LAP3: variants seen among roughly 807,000 people sequenced by gnomAD.
The protein encoded by LAP3 is leucine aminopeptidase 3.
A neutral mutation model predicts 58.8 loss-of-function variants in LAP3; 46 were observed. The ratio of observed to expected loss-of-function variants is 0.78; its 90% CI spans 0.62 to 1.00. The LOEUF is 1.00. LAP3 is among the 50% of genes least tolerant of loss of function. The pLI, the probability that LAP3 is intolerant of heterozygous loss-of-function variation, is 0.00. For missense variants in LAP3, 615 were observed against 659.1 expected (o/e 0.93, Z 0.73); for synonymous variants, 257 against 237.7 (o/e 1.08, Z -0.75).
At chr4:17,584,937 G>A (rs201368834) in intron 5 of LAP3, 35 bp from the exon 6 acceptor site, 3 of 1,606,798 alleles carry the variant, frequency 1.9e-6, no homozygotes, top group East Asian at 4.5e-5. Flanking sequence ...TTCTTGAGAG[G>A]TTGTTTGACA....
At chr4:17,598,925 C>T (rs945793031) in intron 10 of LAP3, among the ~76,000 whole-genome samples, 4 of 151,746 alleles carry the variant, frequency 2.6e-5, no homozygotes, top group Non-Finnish European at 4.4e-5. Context: ...TTAGTAGAGA[C>T]GGGGTTTTTG....
chr4:17,591,201 C>T (rs940833711), intron 7 of LAP3, among the ~76,000 whole-genome samples: 4 of 151,992 alleles, frequency 2.6e-5, no homozygotes, highest in African/African-American at 4.8e-5. Flanking sequence ...CTGAGCCTCC[C>T]GAGTAGCTGG....
chr4:17,597,253 G>C (rs1403236789), intron 9 of LAP3, 119 bp downstream of exon 9: 2 of 815,026 alleles, frequency 2.5e-6, no homozygotes, highest in Non-Finnish European at 4.2e-6. Context: ...GGAGGGTGCT[G>C]TCTTTAGTGC....
intron 6 of LAP3, 115 bp from the exon 7 acceptor site, chr4:17,588,704 C>T (rs767539957): frequency 6.4e-5 from 59 of 924,342 alleles, no homozygotes; most frequent in Middle Eastern, 3.5e-4. Context: ...CCTTAATGTG[C>T]GTATACTTTA....
chr4:17,583,091 C>T (rs574170322), intron 4 of LAP3, among the ~76,000 whole-genome samples: 41 of 152,152 alleles, frequency 2.7e-4, no homozygotes, highest in Non-Finnish European at 4.9e-4. Flanking sequence ...TTGCTCAGTT[C>T]TTTGGATATA....
At chr4:17,593,162 A>T (rs576283232) in intron 7 of LAP3, among the ~76,000 whole-genome samples, 1 of 152,356 alleles carries the variant, frequency 6.6e-6, no homozygotes, top group Admixed American at 6.5e-5. Context: ...AGGTATTCAA[A>T]TCTTTTGCCC....
At position 17,583,535 on chromosome 4, in the gene LAP3, C is replaced by T; in HGVS notation, c.432C>T (p.Pro144=). 3 of 1,614,156 alleles carry T rather than the reference C, an allele frequency of 1.9e-6. No individual in the cohort carries two copies. Among genetic ancestry groups the T allele is most frequent in the Non-Finnish European group, 2.5e-6 (3 of 1,180,034 alleles). ...AGCTCTCGTCTGTGGAGGTGGATCC[C>T]TGTGGAGACGCTCAGGCTGCTGCGG... ...DLELSSVEVD[P]CGDAQAAAEG... Residue 144 remains proline (P), a synonymous_variant, in exon 5 of 13, where the codon CCC becomes CCT. Coordinates refer to ENST00000226299, the MANE Select transcript of LAP3 (RefSeq NM_015907.3).
chr4:17,582,067 C>T (rs1275220209), intron 3 of LAP3: 2 of 597,894 alleles, frequency 3.3e-6, no homozygotes, highest in Non-Finnish European at 6.0e-6. Flanking sequence ...AGAGTATCCT[C>T]ACTTACTCTG....
Position 17,577,237 on chromosome 4 carries a change from A to G in LAP3, c.-229A>G, listed in dbSNP as rs1183513592. 8.1e-6 allele frequency: 3 copies of G among 370,456 alleles called. No homozygotes were observed. In the East Asian group the frequency reaches 1.3e-4, roughly 17 times the overall value. The allele number at this position is 370,456 out of a possible 1,614,324, so 22.9% of individuals were successfully genotyped here. On this transcript the variant is annotated 5_prime_UTR_variant, in exon 1 of 13. Coordinates refer to ENST00000226299, the MANE Select transcript of LAP3 (RefSeq NM_015907.3). ...GCGCACACGAATGCGGGCGCACACGAATGCGGGCGCACCCTTGAGTCCCCT... is the reference window on the plus strand; with the variant it reads ...GCGCACACGAATGCGGGCGCACACGGATGCGGGCGCACCCTTGAGTCCCCT...
At chr4:17,592,362 C>T (rs1261751307) in intron 7 of LAP3, among the ~76,000 whole-genome samples, 1 of 145,436 alleles carries the variant, frequency 6.9e-6, no homozygotes, top group Non-Finnish European at 1.5e-5. Context: ...AGCGTAGTAT[C>T]TGGGGTTTAT....
intron 7 of LAP3, among the ~76,000 whole-genome samples, chr4:17,593,401 G>A (rs898799894): frequency 9.9e-5 from 15 of 151,782 alleles, no homozygotes; most frequent in East Asian, 5.8e-4. Flanking sequence ...TTGGCACCTC[G>A]GGTGGAAATC....
chr4:17,593,858 C>T (rs1328990874), intron 7 of LAP3, among the ~76,000 whole-genome samples: 1 of 152,054 alleles, frequency 6.6e-6, no homozygotes, highest in African/African-American at 2.4e-5. Flanking sequence ...AGTGATTTGC[C>T]TGCCTCAGCC....
intron 11 of LAP3, 148 bp from the exon 12 acceptor site, chr4:17,606,681 G>A (rs1714151784): frequency 1.9e-6 from 1 of 538,266 alleles, no homozygotes; most frequent in Middle Eastern, 5.0e-4. Flanking sequence ...TTTAATGAGT[G>A]GACACAATTC....
Position 17,584,968 on chromosome 4 carries a change from C to T in LAP3, c.540-4C>T, listed in dbSNP as rs759010298. 1.2e-6 allele frequency: 2 copies of T among 1,613,048 alleles called. No individual in the cohort carries two copies. Among genetic ancestry groups the T allele is most frequent in the Admixed American group, 3.3e-5 (2 of 59,938 alleles). ...TGACAGTCACTTTATCTTTCTTCTG[C>T]CAGTGGGGATCAGGAGGCCTGGCAG... On this transcript the variant is annotated splice_region_variant and splice_polypyrimidine_tract_variant and intron_variant, in intron 5 of 12. Transcript: ENST00000226299.
chr4:17,605,293 T>C (rs1220393254), intron 11 of LAP3, among the ~76,000 whole-genome samples: 1 of 152,206 alleles, frequency 6.6e-6, no homozygotes, highest in African/African-American at 2.4e-5. Context: ...CTCCTGTGAT[T>C]CTCCTGCTCC....
Position 17,592,205 on chromosome 4 carries a change from A to G in LAP3, c.864-3205A>G, listed in dbSNP as rs531909488. Among the ~76,000 whole-genome samples the G allele has an allele frequency of 1.3e-3, 196 of 152,302 alleles. 2 individuals are homozygous for G. The highest frequency in any genetic ancestry group is 2.5e-3 in the Non-Finnish European group (168 of 68,008). The stretch of plus-strand genomic sequence containing the variant: ...GTCAGGAAAATACAACATTTTTATC[A>G]TCCCCCAGAAGTTCCCTTCTGCCTT... On this transcript the variant is annotated intron_variant, in intron 7 of 12. Coordinates refer to ENST00000226299, the MANE Select transcript of LAP3 (RefSeq NM_015907.3).
intron 7 of LAP3, among the ~76,000 whole-genome samples, chr4:17,591,427 C>T (rs1045420738): frequency 6.6e-5 from 10 of 152,134 alleles, no homozygotes; most frequent in Admixed American, 6.5e-4. Flanking sequence ...CGGTGTGAGC[C>T]ACCACACCTG....
Position 17,577,503 on chromosome 4 carries a change from T to A in LAP3, c.38T>A (p.Val13Asp). ...CCTCTTCCGGCTGCGGGGCGAGTAG[T>A]CGTCCGACGTCTGGCCGTGAGACGT... ...LLPLPAAGRV[V>D]VRRLAVRRFG... The change falls in exon 1 of 13, where the codon GTC (valine) becomes GAC (aspartate). Residue 13 changes from valine to aspartate, a missense_variant. Transcript: ENST00000226299. The A allele has an allele frequency of 6.3e-7, 1 of 1,584,926 alleles. No homozygotes were observed. Among genetic ancestry groups the A allele is most frequent in the Non-Finnish European group, 8.6e-7 (1 of 1,167,472 alleles).
chr4:17,604,734 T>A, intron 11 of LAP3, 67 bp downstream of exon 11: 4 of 1,239,534 alleles, frequency 3.2e-6, no homozygotes. Context: ...CTTAGAAGGA[T>A]AGACTTCTTC....
Sources: gnomAD v4.1 joint callset for allele counts (sites outside exome capture counted in the v4.1 genomes callset) on GRCh38, gnomAD v4.1.1 for gene constraint, MANE v1.5 for transcripts, NCBI Gene and HGNC (gene_info 2026-07-23, HGNC 2026-07-21) for gene names.